Variants in PRKN observed in about 807,000 individuals in gnomAD.
PRKN encodes E3 ubiquitin-protein ligase parkin.
A neutral mutation model predicts 59.5 loss-of-function variants in PRKN; 56 were observed. The ratio of observed to expected loss-of-function variants is 0.94; its 90% confidence interval spans 0.76 to 1.18. The LOEUF is 1.18. PRKN is among the 50% of genes most tolerant of loss of function. The pLI, the probability that PRKN is intolerant of heterozygous loss-of-function variation, is 0.00. For missense variants in PRKN, 657 were observed against 596.4 expected, an observed-to-expected ratio of 1.10 and a Z score of -1.06; for synonymous variants, 250 against 222.1, an observed-to-expected ratio of 1.13 and a Z score of -1.12.
intron 7 of PRKN, among the ~76,000 whole-genome samples, chr6:161,583,023 TACAC>T (rs892806092): frequency 1.2e-4 from 7 of 58,994 alleles, no homozygotes; most frequent in Non-Finnish European, 2.0e-4. Flanking sequence ...CACACACACA[TACAC>T]ATTTTGTAAG....
At chr6:162,712,243 A>G in intron 1 of PRKN, among the ~76,000 whole-genome samples, 1 of 152,098 alleles carries the variant, frequency 6.6e-6, no homozygotes, top group Non-Finnish European at 1.5e-5. Context: ...CATTGTCCTG[A>G]CTGCTCTTTT....
rs190983678 is a variant in PRKN, at chr6:161,916,822, G to A, written c.734+56480C>T. Among the ~76,000 whole-genome samples, 871 of 151,520 alleles carry A rather than the reference G, an allele frequency of 5.7e-3. 3 individuals are homozygous for A. The highest frequency in any genetic ancestry group is 0.014 in the Admixed American group (214 of 15,234). ...TTTTTCTTTTTCTTTTTTTTGAGGC[G>A]GAGTCGCGCTCTGTCACCCAGGCTG... On this transcript the variant is annotated intron_variant, in intron 6 of 11. Coordinates refer to ENST00000366898, the MANE Select transcript of PRKN (RefSeq NM_004562.3).
intron 6 of PRKN, among the ~76,000 whole-genome samples, chr6:161,905,312 T>G (rs1261998180): frequency 6.6e-6 from 1 of 152,222 alleles, no homozygotes; most frequent in African/African-American, 2.4e-5. Flanking sequence ...CTTGTGTTCC[T>G]AAACCTGGGT....
At chr6:161,710,545 A>ATGAC (rs1460655844) in intron 7 of PRKN, among the ~76,000 whole-genome samples, 1 of 152,100 alleles carries the variant, frequency 6.6e-6, no homozygotes. Context: ...GCATGTGTAT[A>ATGAC]TGACTGCTCA....
At position 161,681,919 on chromosome 6, in the gene PRKN, G is replaced by A. The variant is rs73031051; in HGVS notation, c.871+103853C>T. On this transcript the variant is annotated intron_variant, in intron 7 of 11. Transcript: ENST00000366898. ...GACGTCTGCAATGCCAAGAGCAAAG[G>A]GCTCCTGCAGATAGACCAGGGACCG... is the stretch of plus-strand genomic sequence containing the variant. Among the ~76,000 whole-genome samples the A allele has an allele frequency of 9.8e-3, 1,490 of 152,364 alleles. 14 individuals carry two copies. Among genetic ancestry groups the A allele is most frequent in the Middle Eastern group, 0.017 (5 of 294 alleles).
chr6:162,572,601 G>T (rs1371633373), intron 1 of PRKN, among the ~76,000 whole-genome samples: 2 of 151,990 alleles, frequency 1.3e-5, no homozygotes, highest in African/African-American at 4.8e-5. Context: ...CAGTATTTGG[G>T]GCACTGAAAT....
At chr6:162,531,441 G>A (rs566894223) in intron 1 of PRKN, among the ~76,000 whole-genome samples, 1 of 152,282 alleles carries the variant, frequency 6.6e-6, no homozygotes, top group African/African-American at 2.4e-5. Context: ...CAAGCATTCA[G>A]GGAGCAGAGT....
intron 4 of PRKN, among the ~76,000 whole-genome samples, chr6:162,126,393 G>A (rs1023103511): frequency 1.6e-4 from 24 of 152,124 alleles, no homozygotes; most frequent in Non-Finnish European, 2.6e-4. Context: ...TCCTTTAACC[G>A]TGGCTGCCTA....
chr6:161,777,908 G>GTA (rs1242912497), intron 7 of PRKN, among the ~76,000 whole-genome samples: 13 of 143,774 alleles, frequency 9.0e-5, no homozygotes, highest in African/African-American at 2.3e-4. Context: ...ACATATATAT[G>GTA]TGTATATATA....
intron 5 of PRKN, among the ~76,000 whole-genome samples, chr6:162,015,522 G>T (rs1377219163): frequency 6.6e-6 from 1 of 152,162 alleles, no homozygotes; most frequent in East Asian, 1.9e-4. Context: ...TTTTCAACAG[G>T]AATGGCATTT....
At chr6:162,697,300 A>T (rs1340500781) in intron 1 of PRKN, among the ~76,000 whole-genome samples, 4 of 152,192 alleles carry the variant, frequency 2.6e-5, no homozygotes, top group Non-Finnish European at 5.9e-5. Flanking sequence ...CAATGAAAAT[A>T]AAAAGATAGC....
intron 1 of PRKN, among the ~76,000 whole-genome samples, chr6:162,534,797 C>G (rs1178410832): frequency 6.6e-6 from 1 of 152,154 alleles, no homozygotes; most frequent in African/African-American, 2.4e-5. Flanking sequence ...GCCATGCAGA[C>G]TGCATCTGTA....
chr6:162,267,095 A>G (rs1179700940), intron 2 of PRKN: 1 of 152,224 alleles, frequency 6.6e-6, no homozygotes, highest in African/African-American at 2.4e-5. Context: ...ATGAAATCTA[A>G]AAGATTTCAA....
chr6:162,434,977 C>A (rs1437714130), intron 2 of PRKN, among the ~76,000 whole-genome samples: 2 of 152,202 alleles, frequency 1.3e-5, no homozygotes, highest in Non-Finnish European at 2.9e-5. Context: ...CCTCTCATTT[C>A]TTAAATTCTT....
At chr6:162,452,683 G>A (rs1460516787) in intron 1 of PRKN, among the ~76,000 whole-genome samples, 1 of 152,016 alleles carries the variant, frequency 6.6e-6, no homozygotes, top group Non-Finnish European at 1.5e-5. Context: ...AATGAAGAAT[G>A]GAAGAAAAAT....
intron 4 of PRKN, among the ~76,000 whole-genome samples, chr6:162,148,551 A>T (rs1782126549): frequency 6.6e-6 from 1 of 151,960 alleles, no homozygotes; most frequent in South Asian, 2.1e-4. Flanking sequence ...GGTAGCACAA[A>T]AACAAAAAAA....
intron 6 of PRKN, among the ~76,000 whole-genome samples, chr6:161,829,094 C>T (rs1334117059): frequency 6.6e-6 from 1 of 152,076 alleles, no homozygotes; most frequent in Admixed American, 6.6e-5. Flanking sequence ...GGCATAGTGG[C>T]ATGTGCCTGT....
At chr6:161,957,762 T>C (rs1046889841) in intron 6 of PRKN, among the ~76,000 whole-genome samples, 4 of 152,102 alleles carry the variant, frequency 2.6e-5, no homozygotes, top group African/African-American at 7.2e-5. Context: ...TGTTCCACCA[T>C]GCCATGTTTC....
intron 1 of PRKN, among the ~76,000 whole-genome samples, chr6:162,555,558 C>T (rs947889207): frequency 4.6e-5 from 7 of 151,892 alleles, no homozygotes; most frequent in African/African-American, 1.7e-4. Context: ...ATAACTCACC[C>T]TCTTGGTTTT....
Sources: gnomAD v4.1 joint callset for allele counts (sites outside exome capture counted in the v4.1 genomes callset) on GRCh38, gnomAD v4.1.1 for gene constraint, MANE v1.5 for transcripts, NCBI Gene and HGNC (gene_info 2026-07-23, HGNC 2026-07-21) for gene names.